CACNA1E: variants seen among roughly 807,000 people sequenced by gnomAD.
CACNA1E encodes the protein voltage-dependent R-type calcium channel subunit alpha-1E.
CACNA1E carries 40 observed loss-of-function variants against 259.2 expected under a neutral mutation model. The ratio of observed to expected loss-of-function variants is 0.15; its 90% CI spans 0.12 to 0.20. The LOEUF (loss-of-function observed/expected upper bound fraction) is 0.20. Ranked by LOEUF, CACNA1E falls within the 10% of genes least tolerant of loss-of-function variation. CACNA1E has a pLI of 1.00. For missense variants in CACNA1E, 1,874 were observed against 3,040.1 expected, an observed-to-expected ratio of 0.62 and a Z score of 9.02; for synonymous variants, 1,104 against 1,138.5, an observed-to-expected ratio of 0.97 and a Z score of 0.61.
chr1:181,451,999 T>C (rs1451022403), intron 2 of CACNA1E, among the ~76,000 whole-genome samples: 5 of 152,170 alleles, frequency 3.3e-5, no homozygotes, highest in African/African-American at 1.2e-4. Context: ...TGGAAAGTAA[T>C]GGTCATGCCA....
chr1:181,506,862 C>T (rs1665751823), intron 1 of CACNA1E, among the ~76,000 whole-genome samples: 1 of 152,148 alleles, frequency 6.6e-6, no homozygotes. Flanking sequence ...CTGCTCACCT[C>T]CCCTGAGATT....
intron 1 of CACNA1E, among the ~76,000 whole-genome samples, chr1:181,376,579 G>A (rs1224756158): frequency 6.6e-6 from 1 of 152,212 alleles, no homozygotes; most frequent in Non-Finnish European, 1.5e-5. Context: ...ATTTTTGGAA[G>A]GCCCCTCACA....
intron 1 of CACNA1E, among the ~76,000 whole-genome samples, chr1:181,357,485 G>A (rs1259704246): frequency 2.0e-5 from 3 of 151,088 alleles, no homozygotes; most frequent in East Asian, 1.9e-4. Flanking sequence ...CCTTTGTAGT[G>A]AGCAGACTCC....
At chr1:181,682,124 T>C (rs1320813916) in intron 7 of CACNA1E, among the ~76,000 whole-genome samples, 2 of 152,198 alleles carry the variant, frequency 1.3e-5, no homozygotes, top group African/African-American at 2.4e-5. Context: ...TGAGCAGCGT[T>C]AATGACTATC....
intron 2 of CACNA1E, among the ~76,000 whole-genome samples, chr1:181,473,239 A>G (rs1366286199): frequency 1.3e-5 from 2 of 152,134 alleles, no homozygotes; most frequent in African/African-American, 4.8e-5. Flanking sequence ...CCTTTTGCAG[A>G]TAGCTAACTG....
At chr1:181,405,482 T>C (rs1481317039) in intron 1 of CACNA1E, among the ~76,000 whole-genome samples, 1 of 152,192 alleles carries the variant, frequency 6.6e-6, no homozygotes, top group African/African-American at 2.4e-5. Flanking sequence ...TTGTAGCATT[T>C]TGTTTTCTTT....
Position 181,424,939 on chromosome 1 carries a change from C to T in CACNA1E, c.434+11359C>T, listed in dbSNP as rs1014363827. ...CTTGCGCTGGGCTGCCTCCACTCTGCTCCCATGGCCATATCTGTAGAAGGA... is the reference window on the plus strand; with the variant it reads ...CTTGCGCTGGGCTGCCTCCACTCTGTTCCCATGGCCATATCTGTAGAAGGA... On this transcript the variant is annotated intron_variant, in intron 2 of 11. Coordinates refer to the CACNA1E transcript ENST00000524607. 2.0e-5 allele frequency among the ~76,000 whole-genome samples: 3 copies of T among 152,176 alleles called. No individual in the cohort carries two copies. In the East Asian group the frequency reaches 5.8e-4, roughly 29 times the overall value.
At chr1:181,533,386 A>G (rs751520430) in intron 3 of CACNA1E, among the ~76,000 whole-genome samples, 1 of 149,896 alleles carries the variant, frequency 6.7e-6, no homozygotes, top group Non-Finnish European at 1.5e-5. Context: ...GTGAATACTA[A>G]CAGTACAACT....
At chr1:181,795,260 A>G (rs1288472116) in intron 46 of CACNA1E, among the ~76,000 whole-genome samples, 1 of 152,206 alleles carries the variant, frequency 6.6e-6, no homozygotes. Flanking sequence ...AGCTGTTGCA[A>G]TCCCTTCCTT....
chr1:181,701,414 T>C (rs1199399884), intron 7 of CACNA1E, among the ~76,000 whole-genome samples: 1 of 139,004 alleles, frequency 7.2e-6, no homozygotes. Flanking sequence ...TATGAAATGC[T>C]CTTACTTCCC....
chr1:181,755,259 C>T lies in CACNA1E; in HGVS notation c.3851C>T (p.Thr1284Ile), dbSNP rs376774223. The change falls in exon 28 of 48, where the codon ACC (threonine) becomes ATC (isoleucine). Residue 1284 changes from threonine (T) to isoleucine (I), a missense_variant. By Grantham distance (89) the Thr-to-Ile change is moderately conservative (BLOSUM62 -1). Transcript: ENST00000367573. The stretch of plus-strand genomic sequence containing the variant: ...CAGGCCGTCTTCGACTGCGTAGTGA[C>T]CTCCTTGAAGAATGTCTTCAACATA... ...KLKAVFDCVV[T>I]SLKNVFNILI... 6.2e-7 allele frequency: 1 copy of T among 1,613,832 alleles called. No individual in the cohort carries two copies. The highest frequency in any genetic ancestry group is 8.5e-7 in the Non-Finnish European group (1 of 1,179,774).
chr1:181,325,533 C>T (rs1223474227), intron 1 of CACNA1E, among the ~76,000 whole-genome samples: 14 of 152,192 alleles, frequency 9.2e-5, no homozygotes, highest in Non-Finnish European at 1.5e-4. Context: ...ACTCTAGGGG[C>T]GGGGCCAAGC....
intron 7 of CACNA1E, among the ~76,000 whole-genome samples, chr1:181,672,197 G>T (rs1211365570): frequency 6.6e-6 from 1 of 152,192 alleles, no homozygotes; most frequent in African/African-American, 2.4e-5. Flanking sequence ...GAATTCATGA[G>T]CACAAAGAGG....
At chr1:181,408,661 A>G (rs913157012) in intron 1 of CACNA1E, among the ~76,000 whole-genome samples, 3 of 152,096 alleles carry the variant, frequency 2.0e-5, no homozygotes, top group Non-Finnish European at 4.4e-5. Context: ...GCTGGATTAC[A>G]CTAAACGCTC....
chr1:181,346,747 C>T (rs1169391527), intron 1 of CACNA1E, among the ~76,000 whole-genome samples: 4 of 152,068 alleles, frequency 2.6e-5, no homozygotes, highest in Non-Finnish European at 5.9e-5. Context: ...TCTTTAATGA[C>T]GGGAATTGGA....
At chr1:181,506,712 C>T (rs1442602037) in intron 1 of CACNA1E, among the ~76,000 whole-genome samples, 2 of 152,164 alleles carry the variant, frequency 1.3e-5, no homozygotes, top group African/African-American at 4.8e-5. Context: ...GAAGAAACGC[C>T]ATTGCATGTG....
intron 1 of CACNA1E, among the ~76,000 whole-genome samples, chr1:181,353,159 C>T (rs1653166884): frequency 6.6e-6 from 1 of 152,186 alleles, no homozygotes; most frequent in Admixed American, 6.5e-5. Flanking sequence ...CAATGACCTT[C>T]TCCACTAACC....
At chr1:181,436,996 T>C (rs889993396) in intron 2 of CACNA1E, among the ~76,000 whole-genome samples, 9 of 152,150 alleles carry the variant, frequency 5.9e-5, no homozygotes, top group Non-Finnish European at 1.2e-4. Context: ...ATTATGTCAA[T>C]TAAAATGAAT....
intron 1 of CACNA1E, among the ~76,000 whole-genome samples, chr1:181,319,363 G>A (rs1206952530): frequency 2.6e-5 from 4 of 152,206 alleles, no homozygotes; most frequent in Admixed American, 2.0e-4. Context: ...CAGAGGAAAA[G>A]GGGCTTTCTC....
Sources: allele counts gnomAD v4.1 joint callset (sites outside exome capture counted in the v4.1 genomes callset), GRCh38; gene constraint gnomAD v4.1.1; transcripts MANE v1.5; gene names NCBI Gene and HGNC (gene_info 2026-07-23, HGNC 2026-07-21).